Variants in FHOD3 observed in about 807,000 individuals in gnomAD.
FHOD3 encodes FH1/FH2 domain-containing protein 3.
FHOD3 carries 90 observed loss-of-function variants against 173.0 expected under a neutral mutation model. The ratio of observed to expected loss-of-function variants is 0.52; its 90% CI spans 0.44 to 0.62. The LOEUF is 0.62. Ranked by LOEUF, FHOD3 falls within the 20% of genes least tolerant of loss-of-function variation. The probability of loss-of-function intolerance (pLI) is 0.00; values close to 1 mark genes in which losing one functional copy is unlikely to be tolerated. For synonymous variants in FHOD3, 828 were observed against 823.0 expected (o/e 1.01, Z -0.10); for missense variants, 1,945 against 2,034.7 (o/e 0.96, Z 0.85).
intron 3 of FHOD3, among the ~76,000 whole-genome samples, chr18:36,485,341 G>A (rs73947179): frequency 0.011 from 1,632 of 152,268 alleles, 17 homozygotes; most frequent in African/African-American, 0.037. Flanking sequence ...TTCTTGCAAA[G>A]GCTCCCTTGG....
intron 3 of FHOD3, among the ~76,000 whole-genome samples, chr18:36,466,569 G>C (rs1052126095): frequency 5.3e-5 from 8 of 152,152 alleles, no homozygotes; most frequent in African/African-American, 1.9e-4. Context: ...ATAGATCATT[G>C]GTAGATTTAA....
At chr18:36,657,812 C>G (rs924507818) in intron 13 of FHOD3, among the ~76,000 whole-genome samples, 1 of 152,112 alleles carries the variant, frequency 6.6e-6, no homozygotes, top group African/African-American at 2.4e-5. Context: ...TTTTAAAAAA[C>G]AGGAAATGTT....
chr18:36,346,335 C>A (rs2145586283), intron 1 of FHOD3, among the ~76,000 whole-genome samples: 1 of 152,264 alleles, frequency 6.6e-6, no homozygotes, highest in Middle Eastern at 3.4e-3. Flanking sequence ...CACTGCACTC[C>A]AAGCTGGGTG....
intron 5 of FHOD3, among the ~76,000 whole-genome samples, chr18:36,566,114 G>T (rs538036719): frequency 4.7e-4 from 72 of 152,306 alleles, no homozygotes; most frequent in African/African-American, 1.7e-3. Flanking sequence ...ATTACACAGA[G>T]CAGCAATATT....
intron 8 of FHOD3, among the ~76,000 whole-genome samples, chr18:36,605,429 C>T (rs1165201515): frequency 6.6e-6 from 1 of 152,130 alleles, no homozygotes; most frequent in African/African-American, 2.4e-5. Context: ...TCCAGGAATC[C>T]CTCACTTACT....
At chr18:36,685,005 G>A (rs1477959643) in intron 15 of FHOD3, among the ~76,000 whole-genome samples, 1 of 152,094 alleles carries the variant, frequency 6.6e-6, no homozygotes, top group Non-Finnish European at 1.5e-5. Context: ...AGGTTTCACT[G>A]TGTTGCCCAG....
chr18:36,432,876 A>T (rs1292635060), intron 3 of FHOD3, among the ~76,000 whole-genome samples: 2 of 152,224 alleles, frequency 1.3e-5, no homozygotes, highest in African/African-American at 4.8e-5. Context: ...TGCCTTTTAA[A>T]TGTAAAGCCA....
At chr18:36,482,858 C>G (rs6146264) in intron 3 of FHOD3, among the ~76,000 whole-genome samples, 2,751 of 130,214 alleles carry the variant, frequency 0.021, 127 homozygotes, top group African/African-American at 0.079. Context: ...CACACACACA[C>G]AGAGAGAGAG....
At chr18:36,724,375 C>T (rs1407774712) in intron 19 of FHOD3, among the ~76,000 whole-genome samples, 1 of 152,190 alleles carries the variant, frequency 6.6e-6, no homozygotes, top group Non-Finnish European at 1.5e-5. Context: ...TTCTAGAAAG[C>T]GGACTCCCAA....
At chr18:36,510,124 A>G (rs927100359) in intron 4 of FHOD3, among the ~76,000 whole-genome samples, 2 of 152,154 alleles carry the variant, frequency 1.3e-5, no homozygotes, top group Admixed American at 1.3e-4. Flanking sequence ...GTGTCTGAAA[A>G]ACAGAGGCAT....
chr18:36,595,051 C>T (rs963344620), intron 7 of FHOD3, among the ~76,000 whole-genome samples, 153 bp downstream of exon 7: 7 of 152,114 alleles, frequency 4.6e-5, no homozygotes, highest in Non-Finnish European at 1.0e-4. Context: ...GGATAGTAAG[C>T]ACACAAAGCT....
intron 18 of FHOD3, chr18:36,710,329 G>A (rs1423999113): frequency 6.6e-6 from 1 of 152,186 alleles, no homozygotes; most frequent in East Asian, 1.9e-4. Flanking sequence ...CCTTTCTTAA[G>A]CTACATATGA....
At chr18:36,634,705 C>G (rs1444196252) in intron 10 of FHOD3, among the ~76,000 whole-genome samples, 1 of 152,104 alleles carries the variant, frequency 6.6e-6, no homozygotes, top group Admixed American at 6.5e-5. Flanking sequence ...TGTGTAAACT[C>G]AGGATGATGG....
chr18:36,418,722 G>A (rs898083976), intron 3 of FHOD3, among the ~76,000 whole-genome samples: 4 of 152,044 alleles, frequency 2.6e-5, no homozygotes, highest in African/African-American at 2.4e-5. Flanking sequence ...TGAGACCACC[G>A]TGGGCAATAT....
chr18:36,534,960 G>T (rs937092638), intron 5 of FHOD3, among the ~76,000 whole-genome samples: 5 of 152,252 alleles, frequency 3.3e-5, no homozygotes, highest in African/African-American at 1.2e-4. Context: ...TACTGGGCCA[G>T]TCTGGGCCAC....
chr18:36,583,280 G>T (rs2058918413), intron 6 of FHOD3, among the ~76,000 whole-genome samples: 3 of 152,200 alleles, frequency 2.0e-5, no homozygotes, highest in African/African-American at 7.2e-5. Context: ...GACAGTCAGT[G>T]CCAGAGCTTT....
At chr18:36,403,619 T>TA (rs1210190900) in intron 3 of FHOD3, among the ~76,000 whole-genome samples, 1 of 152,204 alleles carries the variant, frequency 6.6e-6, no homozygotes, top group South Asian at 2.1e-4. Context: ...GAGATTTTAG[T>TA]AAAAAAACAC....
intron 18 of FHOD3, chr18:36,710,903 A>T (rs942044328): frequency 6.6e-6 from 1 of 152,230 alleles, no homozygotes; most frequent in Non-Finnish European, 1.5e-5. Flanking sequence ...AGAATTATTA[A>T]TCATAACTGG....
chr18:36,592,184 C>CA (rs2059241074), intron 6 of FHOD3, among the ~76,000 whole-genome samples: 1 of 151,794 alleles, frequency 6.6e-6, no homozygotes, highest in Non-Finnish European at 1.5e-5. Flanking sequence ...GCACCACTTG[C>CA]CTCCAGCCTG....
Sources: allele counts gnomAD v4.1 joint callset (sites outside exome capture counted in the v4.1 genomes callset), GRCh38; gene constraint gnomAD v4.1.1; transcripts MANE v1.5; gene names NCBI Gene and HGNC (gene_info 2026-07-23, HGNC 2026-07-21).